The following KIFAP3 variants were observed in gnomAD, a reference collection of about 807,000 sequenced individuals.
The protein encoded by KIFAP3 is kinesin associated protein 3.
A neutral mutation model predicts 106.5 loss-of-function variants in KIFAP3; 68 were observed. That is an observed-to-expected ratio of 0.64 (90% CI 0.53 to 0.78). The LOEUF (loss-of-function observed/expected upper bound fraction) is 0.78. Ranked by LOEUF, KIFAP3 falls within the 30% of genes least tolerant of loss-of-function variation. KIFAP3 has a pLI of 0.00. For synonymous variants in KIFAP3, 320 were observed against 311.5 expected (o/e 1.03, Z -0.29); for missense variants, 780 against 941.8 (o/e 0.83, Z 2.25).
intron 18 of KIFAP3, among the ~76,000 whole-genome samples, chr1:169,954,390 A>G (rs1571553356): frequency 6.6e-6 from 1 of 152,152 alleles, no homozygotes; most frequent in South Asian, 2.1e-4. Context: ...AAGCAGGCTT[A>G]TGGTCTCGTA....
intron 2 of KIFAP3, among the ~76,000 whole-genome samples, chr1:170,049,545 G>A (rs1256435119): frequency 1.3e-5 from 2 of 152,188 alleles, no homozygotes; most frequent in African/African-American, 4.8e-5. Flanking sequence ...GACTGGGAGA[G>A]ACCTCCCAAC....
At chr1:170,060,963 G>A (rs1028065157) in intron 1 of KIFAP3, among the ~76,000 whole-genome samples, 2 of 152,144 alleles carry the variant, frequency 1.3e-5, no homozygotes, top group Non-Finnish European at 2.9e-5. Flanking sequence ...GCCATATGTA[G>A]AAAGCTGAAA....
At chr1:170,032,491 C>T (rs1481130916) in intron 7 of KIFAP3, among the ~76,000 whole-genome samples, 6 of 151,670 alleles carry the variant, frequency 4.0e-5, no homozygotes, top group Admixed American at 3.9e-4. Flanking sequence ...CAAGAAAGAA[C>T]TAACCCAAAC....
At chr1:169,975,538 T>G (rs973834528) in intron 16 of KIFAP3, among the ~76,000 whole-genome samples, 1 of 152,164 alleles carries the variant, frequency 6.6e-6, no homozygotes, top group South Asian at 2.1e-4. Context: ...CATTGTAACA[T>G]GACAGATTTA....
chr1:170,080,287 AGTGTGTC>A (rs1671999731), intron 1 of KIFAP3, among the ~76,000 whole-genome samples: 1 of 152,096 alleles, frequency 6.6e-6, no homozygotes, highest in African/African-American at 2.4e-5. Context: ...AAAATGGAAA[AGTGTGTC>A]ATGTCTATAG....
chr1:170,021,713 T>G (rs888660342), intron 9 of KIFAP3, among the ~76,000 whole-genome samples: 5 of 151,876 alleles, frequency 3.3e-5, no homozygotes, highest in African/African-American at 1.2e-4. Flanking sequence ...GTGCTGGAAT[T>G]ACAGATGTGA....
chr1:170,018,077 G>C (rs1266906811), intron 9 of KIFAP3, among the ~76,000 whole-genome samples: 1 of 152,164 alleles, frequency 6.6e-6, no homozygotes, highest in Non-Finnish European at 1.5e-5. Context: ...AATGGCTTTT[G>C]ACTTTTACAA....
At chr1:169,959,936 T>A (rs376537044) in intron 18 of KIFAP3, among the ~76,000 whole-genome samples, 4 of 152,140 alleles carry the variant, frequency 2.6e-5, no homozygotes, top group Non-Finnish European at 4.4e-5. Flanking sequence ...TCTTAACTAC[T>A]GTAAAGTTCA....
At chr1:170,012,385 T>C (rs1668285880) in intron 10 of KIFAP3, among the ~76,000 whole-genome samples, 1 of 152,074 alleles carries the variant, frequency 6.6e-6, no homozygotes, top group African/African-American at 2.4e-5. Context: ...GTAAGAACAA[T>C]AACAGCTACA....
intron 18 of KIFAP3, among the ~76,000 whole-genome samples, chr1:169,956,564 T>C (rs1197803042): frequency 6.6e-6 from 1 of 151,258 alleles, no homozygotes; most frequent in Non-Finnish European, 1.5e-5. Flanking sequence ...ATAATATGTC[T>C]ACTCTTATGT....
intron 10 of KIFAP3, among the ~76,000 whole-genome samples, chr1:170,012,464 G>T (rs1668289543): frequency 6.6e-6 from 1 of 152,042 alleles, no homozygotes; most frequent in South Asian, 2.1e-4. Flanking sequence ...ACACTATACT[G>T]CTTCTCACTA....
intron 11 of KIFAP3, among the ~76,000 whole-genome samples, chr1:169,989,323 CATTT>C (rs35162180): frequency 0.17 from 25,103 of 151,688 alleles, 2,207 homozygotes; most frequent in Middle Eastern, 0.22. Flanking sequence ...TCTTGGTTTG[CATTT>C]ATTTATCTTT....
At chr1:169,965,522 T>C (rs866845480) in intron 17 of KIFAP3, among the ~76,000 whole-genome samples, 30 of 152,150 alleles carry the variant, frequency 2.0e-4, no homozygotes, top group Middle Eastern at 6.8e-3. Context: ...AAAAATATCC[T>C]TAAACTACAT....
chr1:169,968,203 C>A (rs538696756), intron 17 of KIFAP3, among the ~76,000 whole-genome samples: 1 of 152,020 alleles, frequency 6.6e-6, no homozygotes, highest in South Asian at 2.1e-4. Flanking sequence ...TCGTGAAAGA[C>A]TGATGGTTTG....
chr1:169,999,594 A>G (rs192984213), intron 10 of KIFAP3, among the ~76,000 whole-genome samples: 2 of 152,348 alleles, frequency 1.3e-5, no homozygotes, highest in East Asian at 3.9e-4. Flanking sequence ...AGTCATTATG[A>G]TTCCTTTGGT....
rs148589554 is a variant in KIFAP3 at position 170,084,680 on chromosome 1, T to C, written n.174+355A>G. Among the ~76,000 whole-genome samples, 1,293 of 152,176 alleles carry C rather than the reference T, an allele frequency of 8.5e-3. 15 individuals carry two copies. Among genetic ancestry groups the C allele is most frequent in the African/African-American group, 0.027 (1,118 of 41,518 alleles). ...CATACAAGGACACAAAAGTATGAAA[T>C]ATCATGGTACAGTTAAGTAACTGTA... On this transcript the variant is annotated intron_variant and non_coding_transcript_variant, in intron 1 of 5. Transcript: ENST00000490550.
intron 15 of KIFAP3, among the ~76,000 whole-genome samples, chr1:169,979,908 T>C (rs897296327): frequency 6.6e-6 from 1 of 152,122 alleles, no homozygotes; most frequent in African/African-American, 2.4e-5. Flanking sequence ...GGATAAATGG[T>C]GGTATGTTTA....
At chr1:170,019,236 G>A (rs1418503798) in intron 9 of KIFAP3, among the ~76,000 whole-genome samples, 7 of 151,978 alleles carry the variant, frequency 4.6e-5, no homozygotes, top group Non-Finnish European at 1.0e-4. Flanking sequence ...TTTTACTGGT[G>A]AATTCTATTA....
chr1:170,023,238 T>C (rs2102020181), intron 9 of KIFAP3, among the ~76,000 whole-genome samples: 1 of 152,144 alleles, frequency 6.6e-6, no homozygotes, highest in East Asian at 1.9e-4. Flanking sequence ...AAAATAAAAT[T>C]TCATAAATTC....
Sources: gnomAD v4.1 joint callset for allele counts (sites outside exome capture counted in the v4.1 genomes callset) on GRCh38, gnomAD v4.1.1 for gene constraint, MANE v1.5 for transcripts, NCBI Gene and HGNC (gene_info 2026-07-23, HGNC 2026-07-21) for gene names.